ADCY2: variants seen among roughly 807,000 people sequenced by gnomAD.
ADCY2 encodes adenylate cyclase type 2.
ADCY2 carries 31 observed loss-of-function variants against 125.2 expected under a neutral mutation model. The ratio of observed to expected loss-of-function variants is 0.25; its 90% CI spans 0.19 to 0.33. ADCY2 has a LOEUF of 0.33. ADCY2 is among the 10% of genes least tolerant of loss of function. The pLI is 1.00. For synonymous variants in ADCY2, 512 were observed against 548.4 expected (o/e 0.93, Z 0.93); for missense variants, 904 against 1,418.2 (o/e 0.64, Z 5.82).
Position 7,789,655 on chromosome 5 carries a change from G to C in ADCY2, c.2483G>C (p.Cys828Ser). The stretch of plus-strand genomic sequence containing the variant: ...CTCTTGTAACAGAATGAATATTACT[G>C]TAGGTTAGACTTCTTATGGAAGAAC... ...LVLGRQNEYY[C>S]RLDFLWKNKF... The change falls in exon 20 of 25, where the codon TGT (cysteine) becomes TCT (serine). Residue 828 changes from cysteine to serine, a missense_variant. Physicochemically the swap from Cys to Ser is moderately radical, Grantham distance 112 (BLOSUM62 -1). Coordinates refer to ENST00000338316, the MANE Select transcript of ADCY2 (RefSeq NM_020546.3). 6.2e-7 allele frequency: 1 copy of C among 1,613,776 alleles called. No individual in the cohort carries two copies. Among genetic ancestry groups the C allele is most frequent in the South Asian group, 1.1e-5 (1 of 90,988 alleles).
intron 3 of ADCY2, among the ~76,000 whole-genome samples, chr5:7,621,313 C>A (rs1316288726): frequency 2.0e-5 from 3 of 152,134 alleles, no homozygotes; most frequent in Non-Finnish European, 1.5e-5. Flanking sequence ...AAGAACTTAA[C>A]ATAACTTTAA....
intron 3 of ADCY2, among the ~76,000 whole-genome samples, chr5:7,579,412 A>T (rs1736354264): frequency 6.6e-6 from 1 of 152,046 alleles, no homozygotes; most frequent in Non-Finnish European, 1.5e-5. Flanking sequence ...GGAAAACCCT[A>T]AAAAAAAGAG....
At chr5:7,699,776 C>T (rs1177511475) in intron 7 of ADCY2, among the ~76,000 whole-genome samples, 4 of 152,122 alleles carry the variant, frequency 2.6e-5, no homozygotes, top group African/African-American at 7.2e-5. Flanking sequence ...TTTGTAGAGA[C>T]GGGGTGTCTC....
chr5:7,755,178 G>A (rs1361076161), intron 15 of ADCY2, among the ~76,000 whole-genome samples: 1 of 152,162 alleles, frequency 6.6e-6, no homozygotes, highest in Non-Finnish European at 1.5e-5. Context: ...GCAGAGCTGG[G>A]CCGAGGGCGC....
At chr5:7,490,820 A>G (rs1743137205) in intron 2 of ADCY2, among the ~76,000 whole-genome samples, 2 of 152,202 alleles carry the variant, frequency 1.3e-5, no homozygotes, top group African/African-American at 4.8e-5. Flanking sequence ...TTAACTGGAA[A>G]TTTAGAGAAG....
intron 12 of ADCY2, among the ~76,000 whole-genome samples, chr5:7,718,829 C>A (rs1395042204): frequency 6.6e-6 from 1 of 152,058 alleles, no homozygotes; most frequent in Non-Finnish European, 1.5e-5. Context: ...TGCAATCTAA[C>A]AGCAGCTAAA....
chr5:7,820,755 A>G, intron 24 of ADCY2, 66 bp downstream of exon 24: 1 of 1,527,016 alleles, frequency 6.5e-7, no homozygotes, highest in Non-Finnish European at 8.8e-7. Context: ...ACCATAAATA[A>G]GTATAATAAG....
chr5:7,814,692 A>T (rs1344869472), intron 22 of ADCY2, among the ~76,000 whole-genome samples: 1 of 152,134 alleles, frequency 6.6e-6, no homozygotes, highest in East Asian at 1.9e-4. Context: ...GCTTATGTCT[A>T]CAGTCTCCAT....
At chr5:7,618,516 A>G (rs897747243) in intron 3 of ADCY2, among the ~76,000 whole-genome samples, 1 of 152,198 alleles carries the variant, frequency 6.6e-6, no homozygotes, top group African/African-American at 2.4e-5. Flanking sequence ...TTTTCTCCTA[A>G]ACTAAGCTGC....
intron 14 of ADCY2, among the ~76,000 whole-genome samples, chr5:7,733,874 C>T (rs1742174841): frequency 6.6e-6 from 1 of 152,192 alleles, no homozygotes; most frequent in Admixed American, 6.5e-5. Flanking sequence ...TCCCACATCT[C>T]AGAACCTTCA....
rs1027129200 is a variant in ADCY2, at chr5:7,707,007, C to G, written c.1268+105C>G. The G allele has an allele frequency of 4.6e-5, 66 of 1,421,064 alleles. 1 individual carries two copies. The African/African-American group carries it at 7.5e-4, about 16-fold the overall frequency. 88.0% of individuals were successfully genotyped at this position (1,421,064 alleles called of 1,614,324 possible). A position where few individuals can be genotyped will look rare whatever the true frequency, so the allele number is the denominator to read the frequency against. ...GCTCAGTTTTTGATCACTTCTGTTGCCTCTGTTGGTATCATGTTACTCACG... is the reference window on the plus strand; with the variant it reads ...GCTCAGTTTTTGATCACTTCTGTTGGCTCTGTTGGTATCATGTTACTCACG... On this transcript the variant is annotated intron_variant, in intron 8 of 24. Coordinates refer to ENST00000338316, the MANE Select transcript of ADCY2 (RefSeq NM_020546.3).
chr5:7,754,876 A>AAAAAC (rs895767007), intron 15 of ADCY2, among the ~76,000 whole-genome samples: 3 of 152,116 alleles, frequency 2.0e-5, no homozygotes, highest in Admixed American at 6.5e-5. Context: ...AAAAAAAAGA[A>AAAAAC]AAAACAAAAC....
chr5:7,753,900 C>T (rs1352941354), intron 15 of ADCY2, among the ~76,000 whole-genome samples: 1 of 152,204 alleles, frequency 6.6e-6, no homozygotes, highest in East Asian at 1.9e-4. Flanking sequence ...GTTTACTTAC[C>T]TTGTCACTGC....
At chr5:7,666,005 A>AT (rs1356016132) in intron 4 of ADCY2, among the ~76,000 whole-genome samples, 28 of 149,410 alleles carry the variant, frequency 1.9e-4, no homozygotes, top group African/African-American at 6.1e-4. Context: ...TGCCCGGCTA[A>AT]TTTTTTGTAT....
chr5:7,614,448 T>C (rs962453132), intron 3 of ADCY2, among the ~76,000 whole-genome samples: 5 of 152,216 alleles, frequency 3.3e-5, no homozygotes, highest in African/African-American at 1.2e-4. Flanking sequence ...TTACATGGTC[T>C]TCATCTTGGT....
At chr5:7,640,016 C>G (rs1255840288) in intron 4 of ADCY2, among the ~76,000 whole-genome samples, 1 of 152,140 alleles carries the variant, frequency 6.6e-6, no homozygotes, top group Non-Finnish European at 1.5e-5. Flanking sequence ...GACATCATCC[C>G]AGCCTGTTAA....
chr5:7,626,351 T>C, intron 4 of ADCY2, 35 bp downstream of exon 4: 1 of 1,604,690 alleles, frequency 6.2e-7, no homozygotes, highest in Non-Finnish European at 8.5e-7. Context: ...CACATTATTT[T>C]AGTCATTATT....
chr5:7,507,054 C>G (rs377123033), intron 2 of ADCY2, among the ~76,000 whole-genome samples: 6 of 150,652 alleles, frequency 4.0e-5, no homozygotes, highest in Admixed American at 6.6e-5. Context: ...TGACTGATGT[C>G]TACACGCCAA....
chr5:7,575,938 T>G (rs1489472279), intron 3 of ADCY2, among the ~76,000 whole-genome samples: 1 of 152,202 alleles, frequency 6.6e-6, no homozygotes, highest in Non-Finnish European at 1.5e-5. Context: ...TGTCTGTGAA[T>G]GCGTGTGTGT....
Sources: allele counts gnomAD v4.1 joint callset (sites outside exome capture counted in the v4.1 genomes callset), GRCh38; gene constraint gnomAD v4.1.1; transcripts MANE v1.5; gene names NCBI Gene and HGNC (gene_info 2026-07-23, HGNC 2026-07-21).